RABL6: variants seen among roughly 807,000 people sequenced by gnomAD.
RABL6 encodes rab-like protein 6.
RABL6 carries 28 observed loss-of-function variants against 72.9 expected under a neutral mutation model. The ratio of observed to expected loss-of-function variants is 0.38; its 90% CI spans 0.28 to 0.53. The LOEUF (loss-of-function observed/expected upper bound fraction) is 0.53. Among genes scored for constraint, RABL6 ranks in the 20% least tolerant of loss-of-function variants. The probability of loss-of-function intolerance (pLI) is 0.80; values close to 1 mark genes in which losing one functional copy is unlikely to be tolerated. For synonymous variants in RABL6, 477 were observed against 421.2 expected (o/e 1.13, Z -1.62); for missense variants, 1,029 against 1,008.4 (o/e 1.02, Z -0.28).
intron 4 of RABL6, 76 bp from the exon 5 acceptor site, chr9:136,829,317 C>T: frequency 9.2e-7 from 1 of 1,091,136 alleles, no homozygotes; most frequent in Non-Finnish European, 1.4e-6. Context: ...GACTATCCAG[C>T]CTTTTCTAAA....
chr9:136,829,232 A>G (rs1418341615), intron 4 of RABL6, among the ~76,000 whole-genome samples, 161 bp from the exon 5 acceptor site: 1 of 152,218 alleles, frequency 6.6e-6, no homozygotes, highest in Non-Finnish European at 1.5e-5. Flanking sequence ...TTTGGGGCAA[A>G]CCTATGTTTA....
chr9:136,821,664 G>A, intron 1 of RABL6: 1 of 989,458 alleles, frequency 1.0e-6, no homozygotes, highest in South Asian at 4.5e-5. Flanking sequence ...CGGGCCTCCC[G>A]CCGCGCTGGG....
chr9:136,839,573 G>C (rs1848649731), intron 12 of RABL6, 87 bp downstream of exon 12: 1 of 1,553,080 alleles, frequency 6.4e-7, no homozygotes, highest in Admixed American at 1.8e-5. Context: ...AGTGGGAGGA[G>C]GCTTCTGGAA....
chr9:136,835,523 T>G, intron 7 of RABL6: 1 of 506,708 alleles, frequency 2.0e-6, no homozygotes, highest in Non-Finnish European at 3.5e-6. Context: ...ATGCTGGCAG[T>G]GTGTAGGTGT....
At chr9:136,813,512 T>C in intron 1 of RABL6, 1 of 437,302 alleles carries the variant, frequency 2.3e-6, no homozygotes, top group East Asian at 4.6e-5. Context: ...CCTGCGTTTC[T>C]TCAGAAGTTT....
intron 6 of RABL6, 160 bp downstream of exon 6, chr9:136,832,021 C>A (rs544148112): frequency 6.9e-6 from 8 of 1,164,994 alleles, no homozygotes; most frequent in African/African-American, 1.6e-5. Context: ...TGGGTCTCCC[C>A]GATGGCAGGG....
In RABL6 at chr9:136,840,926, GC is replaced by G. The variant is rs1041212381; in HGVS notation, c.*406del. On this transcript the variant is annotated 3_prime_UTR_variant, in exon 15 of 15. Coordinates refer to ENST00000311502, the MANE Select transcript of RABL6 (RefSeq NM_024718.5). The stretch of plus-strand genomic sequence containing the variant: ...TGCTTGCCCTCCGCGCTCATCTGGG[GC>G]CGCAGCATGCCTATGGTTCCGCTTC... 6 of 1,474,678 alleles carry G rather than the reference GC, an allele frequency of 4.1e-6. No individual in the cohort carries two copies. The highest frequency in any genetic ancestry group is 9.0e-7 in the Non-Finnish European group (1 of 1,108,666). 91.3% of individuals were successfully genotyped at this position (1,474,678 alleles called of 1,614,324 possible).
intron 5 of RABL6, 124 bp downstream of exon 5, chr9:136,829,608 T>C: frequency 1.1e-6 from 1 of 878,958 alleles, no homozygotes; most frequent in East Asian, 2.7e-5. Flanking sequence ...GGACTCTTGC[T>C]GGGCAGCTGT....
intron 1 of RABL6, among the ~76,000 whole-genome samples, chr9:136,810,555 G>C (rs1242608901): frequency 6.6e-6 from 1 of 151,916 alleles, no homozygotes; most frequent in Non-Finnish European, 1.5e-5. Context: ...TCTTTTTTGA[G>C]ACAGAGTTTT....
chr9:136,833,800 C>T (rs1486617247), intron 7 of RABL6: 2 of 1,550,534 alleles, frequency 1.3e-6, no homozygotes, highest in Non-Finnish European at 1.7e-6. Flanking sequence ...CAGGCTGGGA[C>T]TGCTGCTGGG....
At chr9:136,832,497 C>T in intron 7 of RABL6, 127 bp downstream of exon 7, 3 of 828,018 alleles carry the variant, frequency 3.6e-6, no homozygotes, top group Admixed American at 3.9e-5. Flanking sequence ...AGATTGGCTG[C>T]TGGCAAGGGC....
Position 136,822,129 on chromosome 9 carries a change from C to G in RABL6, c.131-1396C>G, listed in dbSNP as rs528925303. The G allele has an allele frequency of 3.5e-5, 44 of 1,247,556 alleles. No individual in the cohort carries two copies. In the South Asian group the frequency reaches 5.5e-4, roughly 16 times the overall value. The allele number at this position is 1,247,556 out of a possible 1,614,324, so 77.3% of individuals were successfully genotyped here. A position where few individuals can be genotyped will look rare whatever the true frequency, so the allele number is the denominator to read the frequency against. On this transcript the variant is annotated intron_variant, in intron 1 of 14. Transcript: ENST00000311502. ...GTGGGGCACAGGGACAGCCCAGGGT[C>G]CCTCAGAGCTTCGAGGCCGGGCGCC... is the stretch of plus-strand genomic sequence containing the variant.
intron 12 of RABL6, 96 bp from the exon 13 acceptor site, chr9:136,839,598 C>A (rs770490812): frequency 4.3e-5 from 66 of 1,549,246 alleles, no homozygotes; most frequent in Non-Finnish European, 5.7e-5. Flanking sequence ...CATCTCATGT[C>A]CCCACACTTG....
At chr9:136,819,276 G>C (rs1212132510) in intron 1 of RABL6, among the ~76,000 whole-genome samples, 2 of 150,350 alleles carry the variant, frequency 1.3e-5, no homozygotes, top group African/African-American at 4.9e-5. Flanking sequence ...GAGCCGAGAT[G>C]GTGCCACTGC....
rs1013972682 is a variant in RABL6, at chr9:136,826,374, C to T, written c.313+548C>T. 9.2e-5 allele frequency among the ~76,000 whole-genome samples: 14 copies of T among 152,154 alleles called. No homozygotes were observed. The highest frequency in any genetic ancestry group is 1.2e-4 in the Non-Finnish European group (8 of 68,018). ...TCAGGGTGGAGCTCATGGCCCTCCC[C>T]GGGGCCCATGGTCCGTGTGCATGTG... On this transcript the variant is annotated intron_variant, in intron 3 of 14. Coordinates refer to ENST00000311502, the MANE Select transcript of RABL6 (RefSeq NM_024718.5). This position sits in a 1 kb window ranked among gnomAD's most constrained non-coding sequence, Gnocchi z 4.9.
In RABL6 at chr9:136,837,957, A is replaced by G. The variant is rs374393527; in HGVS notation, c.1222A>G (p.Thr408Ala). Residue 408 changes from threonine to alanine, a missense_variant, in exon 10 of 15, where the codon ACC becomes GCC. This residue lies in a region of RABL6 where 595 missense variants were observed against 472.4 expected (regional missense o/e 1.26). Transcript: ENST00000311502. Reference sequence around the variant, plus strand: ...GGACCGCAGCTTCCTGGAAGACACAACCCCCGCCAGGGACGAGAAGAAGGT... The same window carrying G: ...GGACCGCAGCTTCCTGGAAGACACAGCCCCCGCCAGGGACGAGAAGAAGGT... Reference protein sequence around the residue: ...RLDRSFLEDTTPARDEKKVGA... With the variant: ...RLDRSFLEDTAPARDEKKVGA... 4 of 1,565,832 alleles carry G rather than the reference A, an allele frequency of 2.6e-6. No individual in the cohort carries two copies. Among genetic ancestry groups the G allele is most frequent in the South Asian group, 1.2e-5 (1 of 85,032 alleles).
At position 136,825,792 on chromosome 9, in the gene RABL6, C is replaced by T. The variant is rs375678829; in HGVS notation, c.279C>T (p.Ile93=). Residue 93 remains isoleucine, a synonymous_variant, in exon 3 of 15, where the codon ATC becomes ATT. Transcript: ENST00000311502. ...TCCCTGTTTCAGCCACGGATGACAT[C>T]GTGAAGGTTGAAGTCTGGGATGTAG... The part of the protein sequence containing the change: ...IHWSYKTTDD[I]VKVEVWDVVD... The T allele has an allele frequency of 6.2e-6, 10 of 1,613,524 alleles. No homozygotes were observed. The African/African-American group carries it at 8.0e-5, about 13-fold the overall frequency.
At chr9:136,820,817 T>C (rs1009017485) in intron 1 of RABL6, among the ~76,000 whole-genome samples, 1 of 151,986 alleles carries the variant, frequency 6.6e-6, no homozygotes, top group Non-Finnish European at 1.5e-5. Flanking sequence ...GAATAATATA[T>C]ATTACGAAAA....
intron 1 of RABL6, among the ~76,000 whole-genome samples, chr9:136,812,420 G>A (rs1441951016): frequency 1.3e-5 from 2 of 152,138 alleles, no homozygotes; most frequent in African/African-American, 2.4e-5. Flanking sequence ...TTAGCCAGGT[G>A]TGGTGGCGTA....
Sources: allele counts gnomAD v4.1 joint callset (sites outside exome capture counted in the v4.1 genomes callset), GRCh38; gene constraint gnomAD v4.1.1; regional missense constraint gnomAD v4.1.1; non-coding constraint Gnocchi (gnomAD v3.1); transcripts MANE v1.5; gene names NCBI Gene and HGNC (gene_info 2026-07-23, HGNC 2026-07-21).